MUC22: variants seen among roughly 807,000 people sequenced by gnomAD.
MUC22 encodes the protein mucin-22.
Under a neutral mutation model 40.3 loss-of-function variants are expected in MUC22, and 24 were observed. The ratio of observed to expected loss-of-function variants is 0.60; its 90% CI spans 0.43 to 0.84. The LOEUF is 0.84. Among genes scored for constraint, MUC22 ranks in the 40% least tolerant of loss-of-function variants. The pLI is 0.00. For missense variants in MUC22, 1,926 were observed against 2,130.7 expected, an observed-to-expected ratio of 0.90 and a Z score of 1.89; for synonymous variants, 765 against 844.5, an observed-to-expected ratio of 0.91 and a Z score of 1.63.
At chr6:31,020,007 GTAT>G (rs1764552613) in intron 1 of MUC22, among the ~76,000 whole-genome samples, 1 of 152,094 alleles carries the variant, frequency 6.6e-6, no homozygotes, top group Non-Finnish European at 1.5e-5. Flanking sequence ...TCTGCAATAT[GTAT>G]TATTGAAGTT....
upstream of MUC22, chr6:31,010,463 C>A: frequency 1.9e-6 from 1 of 528,330 alleles, no homozygotes; most frequent in Non-Finnish European, 3.4e-6. Context: ...GCCACAGACA[C>A]GTTTGCGAGG....
chr6:31,029,023 G>C, exon 2 of MUC22: 1 of 1,532,916 alleles, frequency 6.5e-7, no homozygotes, highest in South Asian at 1.2e-5. Context: ...GCTCACTACA[G>C]TTTCTACCAC....
exon 2 of MUC22, chr6:31,029,963 C>A: frequency 6.5e-7 from 1 of 1,535,562 alleles, no homozygotes; most frequent in Non-Finnish European, 8.7e-7. Flanking sequence ...ACTTCCCTCA[C>A]AGGCTCTGAG....
rs57220585 is a variant in MUC22, at chr6:31,032,045, G to A, written c.4670-151G>A. 20,697 of 803,660 alleles carry A rather than the reference G, an allele frequency of 0.026. 825 individuals are homozygous for A. The highest frequency in any genetic ancestry group is 0.13 in the African/African-American group (7,203 of 57,430). 49.8% of individuals were successfully genotyped at this position (803,660 alleles called of 1,614,324 possible). On this transcript the variant is annotated intron_variant, in intron 2 of 3. Coordinates refer to ENST00000561890, the Ensembl canonical transcript of MUC22. This position sits in a 1 kb window ranked among gnomAD's most constrained non-coding sequence, Gnocchi z 4.1. The stretch of plus-strand genomic sequence containing the variant: ...CTGGGGACATGGCCACAGCAGAATC[G>A]CTTTCTACCATCTCTCCTCCCCCAC...
At chr6:31,031,624 T>C (rs991352717) in intron 2 of MUC22, among the ~76,000 whole-genome samples, 1 of 152,176 alleles carries the variant, frequency 6.6e-6, no homozygotes, top group African/African-American at 2.4e-5. Context: ...ACCCTAGTAG[T>C]ATACACTGCA....
In MUC22 at chr6:31,012,885, C is replaced by A. The variant is rs372702687; in HGVS notation, c.70+2109C>A. On this transcript the variant is annotated intron_variant, in intron 1 of 3. Transcript: ENST00000561890. ...TTCTTGGGTCCTTTCCATCAGCATC[C>A]AAACAAGCTCAGTTCTGTATGCACA... Among the ~76,000 whole-genome samples, 27 of 152,200 alleles carry A rather than the reference C, an allele frequency of 1.8e-4. No homozygotes were observed. The South Asian group carries it at 3.7e-3, about 21-fold the overall frequency.
chr6:31,028,872 C>CGCCTCT (rs2150798937), exon 2 of MUC22: 1 of 1,412,590 alleles, frequency 7.1e-7, no homozygotes, highest in Non-Finnish European at 9.2e-7. Context: ...AGACTACCAC[C>CGCCTCT]ACCTCTACTG....
chr6:31,026,115 C>T (rs1765291141), exon 2 of MUC22: 2 of 1,531,898 alleles, frequency 1.3e-6, no homozygotes, highest in Non-Finnish European at 1.7e-6. Flanking sequence ...CCACCACTAC[C>T]TCCACCTCCA....
intron 1 of MUC22, among the ~76,000 whole-genome samples, chr6:31,013,074 C>G (rs995142690): frequency 6.6e-6 from 1 of 151,514 alleles, no homozygotes; most frequent in Non-Finnish European, 1.5e-5. Context: ...TCCTAACGTC[C>G]CCGCATCACT....
At chr6:31,006,022 G>C, upstream of MUC22, 1 of 248,080 alleles carries the variant, frequency 4.0e-6, no homozygotes, top group South Asian at 3.5e-5. Flanking sequence ...CAAGAGAATA[G>C]CTTGAACCTG....
At chr6:31,027,068 C>T in exon 2 of MUC22, 1 of 1,497,460 alleles carries the variant, frequency 6.7e-7, no homozygotes, top group Non-Finnish European at 8.9e-7. Context: ...TCTGAGCCTA[C>T]CATGGCATCC....
rs139063656 is a variant in MUC22, at chr6:31,030,100, G to C, written c.4669G>C (p.Gly1557Arg). 3,592 of 1,517,342 alleles carry C rather than the reference G, an allele frequency of 2.4e-3. 120 individuals are homozygous for C. In the South Asian group the frequency reaches 0.036, roughly 15 times the overall value. The allele number at this position is 1,517,342 out of a possible 1,614,324, so 94.0% of individuals were successfully genotyped here. Residue 1557 changes from glycine (G) to arginine (R), a missense_variant and splice_region_variant, in exon 2 of 4, where the codon GGC (glycine) becomes CGC (arginine). Physicochemically the swap from Gly to Arg is moderately radical, Grantham distance 125 (BLOSUM62 -2). This residue lies in a region of MUC22 where 610 missense variants were observed against 714.6 expected (regional missense o/e 0.85). Transcript: ENST00000561890. Reference sequence around the variant, plus strand: ...GCCCATCACCAACACACCTATGTCAGGTACTAACCCCCATGTCTTCTTTGA... The same window carrying C: ...GCCCATCACCAACACACCTATGTCACGTACTAACCCCCATGTCTTCTTTGA...
chr6:31,006,280 A>G (rs1448781212), upstream of MUC22: 2 of 238,174 alleles, frequency 8.4e-6, no homozygotes, highest in African/African-American at 4.8e-5. Flanking sequence ...GACGTTTATA[A>G]ACATATCTTT....
intron 1 of MUC22, among the ~76,000 whole-genome samples, chr6:31,018,989 C>A (rs1764477013): frequency 6.6e-6 from 1 of 152,242 alleles, no homozygotes; most frequent in Non-Finnish European, 1.5e-5. Flanking sequence ...CAGTCAGCTT[C>A]ATGGCTTTAA....
chr6:31,012,065 T>C (rs905231456), intron 1 of MUC22, among the ~76,000 whole-genome samples: 1 of 152,214 alleles, frequency 6.6e-6, no homozygotes, highest in African/African-American at 2.4e-5. Flanking sequence ...TCTGAGATAG[T>C]ACTGTTCACT....
chr6:31,025,820 C>T, exon 2 of MUC22: 1 of 1,533,046 alleles, frequency 6.5e-7, no homozygotes, highest in Non-Finnish European at 8.7e-7. Flanking sequence ...ACTATCGTGG[C>T]CTCCACCACA....
intron 1 of MUC22, among the ~76,000 whole-genome samples, chr6:31,021,864 G>A (rs1764783384): frequency 2.0e-5 from 3 of 151,514 alleles, no homozygotes; most frequent in Admixed American, 6.6e-5. Flanking sequence ...CCACACTGTG[G>A]AAACTTTGTT....
chr6:31,019,058 A>G (rs9262498), intron 1 of MUC22, among the ~76,000 whole-genome samples: 58,659 of 152,124 alleles, frequency 0.39, 11,538 homozygotes, highest in East Asian at 0.47. Flanking sequence ...TTTCTCCTCT[A>G]AGAACTAAGT....
At chr6:31,027,501 T>C (rs1457505619) in exon 2 of MUC22, 29 of 1,530,752 alleles carry the variant, frequency 1.9e-5, no homozygotes, top group Non-Finnish European at 2.5e-5. Flanking sequence ...CAGCCTCTAC[T>C]GAAGGCTCTG....
Sources: allele counts gnomAD v4.1 joint callset (sites outside exome capture counted in the v4.1 genomes callset), GRCh38; gene constraint gnomAD v4.1.1; regional missense constraint gnomAD v4.1.1; non-coding constraint Gnocchi (gnomAD v3.1); transcripts MANE v1.5; gene names NCBI Gene and HGNC (gene_info 2026-07-23, HGNC 2026-07-21).